Variants in KANK1 observed in about 807,000 individuals in gnomAD.
KANK1 encodes KN motif and ankyrin repeat domain-containing protein 1.
A neutral mutation model predicts 106.2 loss-of-function variants in KANK1; 109 were observed. The ratio of observed to expected loss-of-function variants is 1.03; its 90% CI spans 0.88 to 1.20. KANK1 has a LOEUF of 1.20. Among genes scored for constraint, KANK1 ranks in the 50% most tolerant of loss-of-function variants. The pLI is 0.00. For synonymous variants in KANK1, 873 were observed against 652.2 expected, an observed-to-expected ratio of 1.34 and a Z score of -5.16; for missense variants, 2,399 against 1,710.7, an observed-to-expected ratio of 1.40 and a Z score of -7.10.
rs912174 is a variant in KANK1, at chr9:712,156, T to G, written c.1390T>G (p.Ser464Ala). 360,538 of 1,613,702 alleles carry G rather than the reference T, an allele frequency of 0.22. 42,383 individuals carry two copies. Among genetic ancestry groups the G allele is most frequent in the Admixed American group, 0.36 (21,660 of 59,974 alleles). The change falls in exon 3 of 12, where the codon TCC becomes GCC. Residue 464 changes from serine to alanine, a missense_variant. By Grantham distance (99) the Ser-to-Ala change is moderately conservative. Coordinates refer to ENST00000382297, the MANE Select transcript of KANK1 (RefSeq NM_015158.5). Reference protein sequence around the residue: ...EIELQQQTIESLKEKIYRLEV... With the variant: ...EIELQQQTIEALKEKIYRLEV... ...TGAGCTGCAACAGCAGACCATAGAA[T>G]CCTTGAAGGAAAAGATCTATCGCCT...
chr9:611,309 A>C lies in KANK1; in HGVS notation c.-83-65581A>C, dbSNP rs140562842. Among the ~76,000 whole-genome samples the C allele has an allele frequency of 3.9e-3, 591 of 152,356 alleles. 4 individuals are homozygous for C. The highest frequency in any genetic ancestry group is 0.013 in the African/African-American group (531 of 41,574). ...AACCAAGAGCCCAGCCCACGGGGCC[A>C]GTTCCTCACCGACTCTATGCCTTAA... On this transcript the variant is annotated intron_variant, in intron 1 of 11. Coordinates refer to ENST00000382297, the MANE Select transcript of KANK1 (RefSeq NM_015158.5).
At chr9:522,872 C>A (rs138918028) in intron 1 of KANK1, among the ~76,000 whole-genome samples, 2 of 151,654 alleles carry the variant, frequency 1.3e-5, no homozygotes, top group Admixed American at 1.3e-4. Context: ...GGGAATTAAG[C>A]CAGAATTGGC....
intron 1 of KANK1, among the ~76,000 whole-genome samples, chr9:575,355 G>A (rs565037842): frequency 4.1e-4 from 62 of 152,256 alleles, no homozygotes; most frequent in African/African-American, 1.5e-3. Context: ...AGTACTTCAT[G>A]AGACTTCTGT....
At chr9:524,982 CTTTTTT>C (rs35377139) in intron 1 of KANK1, among the ~76,000 whole-genome samples, 12,246 of 91,830 alleles carry the variant, frequency 0.13, 705 homozygotes, top group African/African-American at 0.29. Flanking sequence ...CTCTTGCTGC[CTTTTTT>C]TTTTTTTTTT....
intron 1 of KANK1, among the ~76,000 whole-genome samples, chr9:630,073 C>T (rs977456737): frequency 3.3e-5 from 5 of 151,516 alleles, no homozygotes; most frequent in South Asian, 2.1e-4. Context: ...CATGGCAAAA[C>T]GCTGTCTCCA....
intron 1 of KANK1, among the ~76,000 whole-genome samples, chr9:531,080 G>T (rs2060033854): frequency 6.6e-6 from 1 of 152,112 alleles, no homozygotes; most frequent in South Asian, 2.1e-4. Context: ...CTAACTCAAG[G>T]TTTGCTTCCT....
rs1834377627 is a variant in KANK1, at chr9:738,409, A to G, written c.3458A>G (p.Tyr1153Cys). 5 of 1,614,102 alleles carry G rather than the reference A, an allele frequency of 3.1e-6. No homozygotes were observed. In the Middle Eastern group the frequency reaches 4.9e-4, roughly 160 times the overall value. The change falls in exon 8 of 12, where the codon TAT (tyrosine) becomes TGT (cysteine). Residue 1153 changes from tyrosine to cysteine, a missense_variant. By Grantham distance (194) the Tyr-to-Cys change is radical. Transcript: ENST00000382297. ...FEAISPDVLRYVINLADGNGN... is the reference protein window; with the variant it reads ...FEAISPDVLRCVINLADGNGN... ...GCCATTTCCCCAGATGTCCTCCGCT[A>G]TGTCATCAACTTGGCAGACGGCAAC...
chr9:653,615 G>A (rs143386225), intron 1 of KANK1, among the ~76,000 whole-genome samples: 1 of 152,170 alleles, frequency 6.6e-6, no homozygotes, highest in Non-Finnish European at 1.5e-5. Flanking sequence ...ATTTGATTTC[G>A]GAGGTTTCAA....
chr9:603,317 C>T (rs1009871618), intron 1 of KANK1, among the ~76,000 whole-genome samples: 1 of 151,854 alleles, frequency 6.6e-6, no homozygotes, highest in Non-Finnish European at 1.5e-5. Flanking sequence ...AGAAACGTGG[C>T]TGGCTGACTT....
rs934983228 is a variant in KANK1, at chr9:590,855, G to A, written c.-83-86035G>A. On this transcript the variant is annotated intron_variant, in intron 1 of 11. Coordinates refer to ENST00000382297, the MANE Select transcript of KANK1 (RefSeq NM_015158.5). ...TACATTCTTCTAACTGTATTTGTGA[G>A]GCTGCTCTGAATTATTTTCTTATAA... Among the ~76,000 whole-genome samples the A allele has an allele frequency of 1.3e-5, 2 of 151,718 alleles. 1 individual carries two copies. The highest frequency in any genetic ancestry group is 4.9e-5 in the African/African-American group (2 of 41,062).
At chr9:543,428 G>A (rs913367592) in intron 1 of KANK1, among the ~76,000 whole-genome samples, 2 of 151,812 alleles carry the variant, frequency 1.3e-5, no homozygotes, top group African/African-American at 4.8e-5. Context: ...GCATGGTAAC[G>A]GGCGCTTGTT....
intron 1 of KANK1, among the ~76,000 whole-genome samples, chr9:589,557 G>A (rs1443124650): frequency 6.6e-6 from 1 of 151,994 alleles, no homozygotes; most frequent in Non-Finnish European, 1.5e-5. Context: ...GAAAAACAGG[G>A]GGCCAGGACT....
At chr9:591,986 C>G (rs1265476311) in intron 1 of KANK1, among the ~76,000 whole-genome samples, 1 of 151,724 alleles carries the variant, frequency 6.6e-6, no homozygotes, top group Non-Finnish European at 1.5e-5. Flanking sequence ...TTAACTTACT[C>G]TTTTCCTGTT....
intron 1 of KANK1, among the ~76,000 whole-genome samples, chr9:658,529 TCTTA>T (rs1213048065): frequency 6.6e-6 from 1 of 152,118 alleles, no homozygotes; most frequent in East Asian, 1.9e-4. Context: ...TTTCTATGGC[TCTTA>T]CTTTTGGTAT....
At chr9:546,768 C>G (rs1409445708) in intron 1 of KANK1, among the ~76,000 whole-genome samples, 1 of 149,308 alleles carries the variant, frequency 6.7e-6, no homozygotes, top group Non-Finnish European at 1.5e-5. Flanking sequence ...TAGTATCTGT[C>G]AGGAAATTCT....
chr9:606,446 C>T lies in KANK1; in HGVS notation c.-83-70444C>T, dbSNP rs1006324495. ...TGGTGCATGCCTGTAATCTCAGCTA[C>T]TCAGGAGGTTGAGACAGGAGAATCA... is the stretch of plus-strand genomic sequence containing the variant. On this transcript the variant is annotated intron_variant, in intron 1 of 11. Coordinates refer to ENST00000382297, the MANE Select transcript of KANK1 (RefSeq NM_015158.5). 2.6e-4 allele frequency among the ~76,000 whole-genome samples: 38 copies of T among 147,350 alleles called. No homozygotes were observed. In the Middle Eastern group the frequency reaches 0.014, roughly 54 times the overall value.
intron 1 of KANK1, among the ~76,000 whole-genome samples, chr9:674,985 G>A (rs1297900534): frequency 6.6e-6 from 1 of 151,788 alleles, no homozygotes; most frequent in Admixed American, 6.6e-5. Flanking sequence ...GATTACAGGT[G>A]TGAGCCACCG....
chr9:534,749 A>T (rs993356141), intron 1 of KANK1, among the ~76,000 whole-genome samples: 3 of 152,214 alleles, frequency 2.0e-5, no homozygotes, highest in Non-Finnish European at 2.9e-5. Context: ...TCTTCCTCTG[A>T]TGGCTTCTCC....
At chr9:489,678 G>A (rs555911938) in intron 3 of KANK1, among the ~76,000 whole-genome samples, 1 of 152,276 alleles carries the variant, frequency 6.6e-6, no homozygotes, top group Admixed American at 6.5e-5. Flanking sequence ...AAGTATTAGA[G>A]ATAATAGAGG....
Sources: gnomAD v4.1 joint callset for allele counts (sites outside exome capture counted in the v4.1 genomes callset) on GRCh38, gnomAD v4.1.1 for gene constraint, MANE v1.5 for transcripts, NCBI Gene and HGNC (gene_info 2026-07-23, HGNC 2026-07-21) for gene names.